Variants in RUFY3 observed in about 807,000 individuals in gnomAD.
RUFY3 encodes the protein RUN and FYVE domain containing 3, also known as protein RUFY3.
In RUFY3, 34 loss-of-function variants were observed where a neutral mutation model predicts 84.0. The observed-to-expected ratio is 0.40, with a 90% CI of 0.31 to 0.54. The LOEUF is 0.54. Among genes scored for constraint, RUFY3 ranks in the 20% least tolerant of loss-of-function variants. The pLI, the probability that RUFY3 is intolerant of heterozygous loss-of-function variation, is 0.39. For missense variants in RUFY3, 507 were observed against 736.8 expected (o/e 0.69, Z 3.61); for synonymous variants, 242 against 252.9 (o/e 0.96, Z 0.41).
At chr4:70,765,251 T>C (rs1273173153) in intron 4 of RUFY3, among the ~76,000 whole-genome samples, 1 of 148,232 alleles carries the variant, frequency 6.7e-6, no homozygotes, top group Non-Finnish European at 1.5e-5. Context: ...AATCTTCCAG[T>C]AGATCATAGA....
At position 70,722,383 on chromosome 4, in the gene RUFY3, C is replaced by A. The variant is rs2148585724; in HGVS notation, c.-191C>A. 7.6e-7 allele frequency: 1 copy of A among 1,321,540 alleles called. No homozygotes were observed. Among genetic ancestry groups the A allele is most frequent in the East Asian group, 2.6e-5 (1 of 38,076 alleles). The allele number at this position is 1,321,540 out of a possible 1,614,324, so 81.9% of individuals were successfully genotyped here. A position where few individuals can be genotyped will look rare whatever the true frequency, so the allele number is the denominator to read the frequency against. On this transcript the variant is annotated 5_prime_UTR_variant, in exon 1 of 18. Transcript: ENST00000381006. ...ATAGTGTAGAATTGTTTATCTTGAGCAGTTTGTTCTTAACCTATAAGGTAT... is the reference window on the plus strand; with the variant it reads ...ATAGTGTAGAATTGTTTATCTTGAGAAGTTTGTTCTTAACCTATAAGGTAT...
chr4:70,713,747 G>A (rs1298343698), intron 1 of RUFY3, among the ~76,000 whole-genome samples: 4 of 152,150 alleles, frequency 2.6e-5, no homozygotes, highest in East Asian at 1.9e-4. Context: ...TACTTCTGCT[G>A]TCTTTTTTAT....
chr4:70,797,439 T>C (rs1168766039), intron 14 of RUFY3, among the ~76,000 whole-genome samples: 1 of 152,230 alleles, frequency 6.6e-6, no homozygotes, highest in Non-Finnish European at 1.5e-5. Context: ...GAAGAGTTCA[T>C]AAACTATTTA....
In RUFY3 at chr4:70,807,245, G is replaced by A. The variant is rs1732936345; in HGVS notation, c.*586G>A. 1 of 152,102 alleles carries A rather than the reference G, an allele frequency of 6.6e-6. No homozygotes were observed. The highest frequency in any genetic ancestry group is 2.1e-4 in the South Asian group (1 of 4,826). 9.4% of individuals were successfully genotyped at this position (152,102 alleles called of 1,614,324 possible). Reference sequence around the variant, plus strand: ...TTCTGCATATATTAAAAACAATATTGTAATATGTTATAATTTCAGGACCAG... The same window carrying A: ...TTCTGCATATATTAAAAACAATATTATAATATGTTATAATTTCAGGACCAG... On this transcript the variant is annotated 3_prime_UTR_variant, in exon 18 of 18. Coordinates refer to ENST00000381006, the MANE Select transcript of RUFY3 (RefSeq NM_001037442.4).
Position 70,806,536 on chromosome 4 carries a change from C to T in RUFY3, c.1740C>T (p.Ser580=), listed in dbSNP as rs768532094. The change falls in exon 18 of 18, where the codon AGC becomes AGT. Residue 580 remains serine (S), a synonymous_variant. Coordinates refer to ENST00000381006, the MANE Select transcript of RUFY3 (RefSeq NM_001037442.4). ...SLTKNVCKNC[S]GTFCDACSTN... is the part of the protein sequence containing the mutation. ...CATAGAATGTGTGTAAGAACTGCAG[C>T]GGAACCTTCTGTGATGCCTGTTCAA... is the stretch of plus-strand genomic sequence containing the variant. The T allele has an allele frequency of 2.6e-5, 42 of 1,614,074 alleles. No homozygotes were observed. The highest frequency in any genetic ancestry group is 5.0e-5 in the Admixed American group (3 of 60,014).
intron 15 of RUFY3, 99 bp downstream of exon 15, chr4:70,800,304 A>G (rs1317653515): frequency 3.9e-6 from 3 of 764,762 alleles, no homozygotes; most frequent in African/African-American, 1.8e-5. Context: ...CCGACCAGAC[A>G]CTGACTTATA....
chr4:70,793,088 A>G (rs948048403), intron 12 of RUFY3: 19 of 985,298 alleles, frequency 1.9e-5, no homozygotes, highest in Middle Eastern at 5.2e-4. Context: ...TAAGATATGT[A>G]GAAGAAAACA....
At chr4:70,709,298 C>G (rs533310696) in intron 1 of RUFY3, among the ~76,000 whole-genome samples, 11 of 152,256 alleles carry the variant, frequency 7.2e-5, no homozygotes, top group African/African-American at 2.6e-4. Flanking sequence ...TCTGCCATGC[C>G]TTTTAAAATT....
chr4:70,798,200 T>C (rs1246209605), intron 14 of RUFY3, among the ~76,000 whole-genome samples: 2 of 151,850 alleles, frequency 1.3e-5, no homozygotes, highest in Non-Finnish European at 2.9e-5. Context: ...AGACCTCATC[T>C]CTACAAAAAA....
chr4:70,734,617 C>T (rs138192741), intron 1 of RUFY3: 3 of 956,798 alleles, frequency 3.1e-6, no homozygotes, highest in East Asian at 2.3e-4. Flanking sequence ...ACTTAGCTTC[C>T]AGGATTTTGT....
At chr4:70,716,832 CAA>C (rs1320171486) in intron 1 of RUFY3, among the ~76,000 whole-genome samples, 1 of 92,956 alleles carries the variant, frequency 1.1e-5, no homozygotes, top group East Asian at 2.8e-4. Flanking sequence ...ATGACAAGAA[CAA>C]AACTCTGTCT....
intron 12 of RUFY3, chr4:70,792,091 A>C (rs1303762751): frequency 2.0e-6 from 2 of 985,628 alleles, no homozygotes; most frequent in African/African-American, 3.5e-5. Flanking sequence ...TAGGCAGTTC[A>C]GAGAGAACAA....
chr4:70,792,721 G>A lies in RUFY3; in HGVS notation c.1338-1064G>A, dbSNP rs114124999. The A allele has an allele frequency of 6.2e-3, 6,113 of 985,286 alleles. 23 individuals are homozygous for A. The highest frequency in any genetic ancestry group is 6.9e-3 in the Non-Finnish European group (5,758 of 829,834). 61.0% of individuals were successfully genotyped at this position (985,286 alleles called of 1,614,324 possible). Reference sequence around the variant, plus strand: ...TTTCTTGGCAAAACCAGAATTAAGAGTGTAAGATAGATTCCATGTGTGCTT... The same window carrying A: ...TTTCTTGGCAAAACCAGAATTAAGAATGTAAGATAGATTCCATGTGTGCTT... On this transcript the variant is annotated intron_variant, in intron 12 of 17. Transcript: ENST00000381006.
At chr4:70,787,159 C>A (rs1480341480) in intron 10 of RUFY3, among the ~76,000 whole-genome samples, 1 of 98,758 alleles carries the variant, frequency 1.0e-5, no homozygotes, top group Non-Finnish European at 1.8e-5. Context: ...AAAGTGAGAC[C>A]CTGTCTCAGA....
At chr4:70,787,168 GAAAA>G (rs71211959) in intron 10 of RUFY3, among the ~76,000 whole-genome samples, 35 of 52,996 alleles carry the variant, frequency 6.6e-4, no homozygotes, top group East Asian at 2.9e-3. Context: ...CCCTGTCTCA[GAAAA>G]AAAAAAAAAA....
intron 4 of RUFY3, among the ~76,000 whole-genome samples, chr4:70,768,157 C>T (rs973009099): frequency 6.6e-6 from 1 of 152,158 alleles, no homozygotes; most frequent in African/African-American, 2.4e-5. Flanking sequence ...TTTTAAGATG[C>T]ATAAAAGATT....
At chr4:70,791,490 G>A (rs1730813902) in intron 12 of RUFY3, 1 of 1,375,426 alleles carries the variant, frequency 7.3e-7, no homozygotes, top group Non-Finnish European at 9.4e-7. Context: ...TTTCTCCCCA[G>A]GGTTAGAAAA....
At chr4:70,800,268 G>T in intron 15 of RUFY3, 63 bp downstream of exon 15, 1 of 1,293,266 alleles carries the variant, frequency 7.7e-7, no homozygotes, top group South Asian at 1.4e-5. Context: ...GAAGGAGGGA[G>T]TTCTTTATAT....
chr4:70,709,791 G>C (rs139727292), intron 1 of RUFY3, among the ~76,000 whole-genome samples: 1 of 152,068 alleles, frequency 6.6e-6, no homozygotes, highest in African/African-American at 2.4e-5. Context: ...CCACAACTAC[G>C]GCAAACATTG....
Sources: gnomAD v4.1 joint callset for allele counts (sites outside exome capture counted in the v4.1 genomes callset) on GRCh38, gnomAD v4.1.1 for gene constraint, MANE v1.5 for transcripts, NCBI Gene and HGNC (gene_info 2026-07-23, HGNC 2026-07-21) for gene names.